Variants in SLURP2 observed in about 807,000 individuals in gnomAD.
The protein encoded by SLURP2 is secreted Ly-6/uPAR domain-containing protein 2.
SLURP2 carries 4 observed loss-of-function variants against 9.8 expected under a neutral mutation model. The observed-to-expected ratio is 0.41, with a 90% confidence interval of 0.20 to 0.94. The LOEUF is 0.94. Ranked by LOEUF, SLURP2 falls within the 40% of genes least tolerant of loss-of-function variation. The probability of loss-of-function intolerance (pLI) is 0.32; values close to 1 mark genes in which losing one functional copy is unlikely to be tolerated. For synonymous variants in SLURP2, 58 were observed against 56.2 expected, an observed-to-expected ratio of 1.03 and a Z score of -0.15; for missense variants, 118 against 126.4, an observed-to-expected ratio of 0.93 and a Z score of 0.32.
chr8:142,764,445 C>G lies in SLURP2; in HGVS notation c.*160G>C. 1 of 803,638 alleles carries G rather than the reference C, an allele frequency of 1.2e-6. No homozygotes were observed. The allele number at this position is 803,638 out of a possible 1,614,324, so 49.8% of individuals were successfully genotyped here. A position where few individuals can be genotyped will look rare whatever the true frequency, so the allele number is the denominator to read the frequency against. On this transcript the variant is annotated 3_prime_UTR_variant, in exon 3 of 3. Transcript: ENST00000317543. ...GACGGCAGCAGATTGAGGCAAGACT[C>G]CACGCAGGACTTCCCTAGGACAAGC...
Position 142,764,539 on chromosome 8 carries a change from A to G in SLURP2, c.*66T>C. 1.9e-6 allele frequency: 3 copies of G among 1,546,370 alleles called. No homozygotes were observed. The highest frequency in any genetic ancestry group is 2.6e-6 in the Non-Finnish European group (3 of 1,136,978). ...CAGTCTCGAGGGAGGGGCAGCTGTG[A>G]GCCCTGGCGCCAGGCTGTGGGGGCT... is the stretch of plus-strand genomic sequence containing the variant. On this transcript the variant is annotated 3_prime_UTR_variant, in exon 3 of 3. Coordinates refer to ENST00000317543, the MANE Select transcript of SLURP2 (RefSeq NM_177458.3).
At chr8:142,769,233 G>A (rs181409133) in intron 1 of SLURP2, among the ~76,000 whole-genome samples, 3 of 151,660 alleles carry the variant, frequency 2.0e-5, no homozygotes, top group South Asian at 2.1e-4. Context: ...TTGGGGGATG[G>A]GGAGGGGGTA....
chr8:142,764,936 G>A (rs1289518360), intron 2 of SLURP2, 100 bp downstream of exon 2: 4 of 1,187,048 alleles, frequency 3.4e-6, no homozygotes, highest in Non-Finnish European at 3.6e-6. Flanking sequence ...CTATGCTTCT[G>A]ACTTACTGGG....
intron 1 of SLURP2, 134 bp downstream of exon 1, chr8:142,769,621 C>T (rs902499905): frequency 4.0e-5 from 30 of 755,858 alleles, no homozygotes; most frequent in African/African-American, 1.6e-4. Context: ...AGGAAAGCTG[C>T]ACCTGGTAGA....
Position 142,768,471 on chromosome 8 carries a change from G to A in SLURP2, c.52+1284C>T, listed in dbSNP as rs933515361. ...CCAGTCCTCCAACCGGAAGAGCAGT[G>A]AGGCAGCTTGGGGCTTGTTCCTCGA... On this transcript the variant is annotated intron_variant, in intron 1 of 2. Coordinates refer to ENST00000317543, the MANE Select transcript of SLURP2 (RefSeq NM_177458.3). This position sits in a 1 kb window ranked among gnomAD's most constrained non-coding sequence, Gnocchi z 4.8. 6.6e-6 allele frequency among the ~76,000 whole-genome samples: 1 copy of A among 152,124 alleles called. No individual in the cohort carries two copies. The highest frequency in any genetic ancestry group is 1.5e-5 in the Non-Finnish European group (1 of 68,018).
chr8:142,769,665 G>T, intron 1 of SLURP2, 90 bp downstream of exon 1: 1 of 1,187,438 alleles, frequency 8.4e-7, no homozygotes, highest in Non-Finnish European at 1.2e-6. Flanking sequence ...CTCCCGAGGT[G>T]GGCAGTCACA....
chr8:142,764,875 G>A (rs930979543), intron 2 of SLURP2, 134 bp from the exon 3 acceptor site: 9 of 1,227,816 alleles, frequency 7.3e-6, no homozygotes, highest in African/African-American at 1.5e-5. Flanking sequence ...TGGGGCAGAC[G>A]TGGCCCTTTG....
At chr8:142,769,711 G>A in intron 1 of SLURP2, 44 bp downstream of exon 1, 1 of 1,566,396 alleles carries the variant, frequency 6.4e-7, no homozygotes. Flanking sequence ...GGGCTAGAGT[G>A]ATGGGGGCCT....
At chr8:142,764,984 C>T in intron 2 of SLURP2, 52 bp downstream of exon 2, 1 of 1,487,646 alleles carries the variant, frequency 6.7e-7, no homozygotes, top group Non-Finnish European at 9.2e-7. Flanking sequence ...GAGCCCACAT[C>T]TTCCCACCTG....
At chr8:142,769,383 G>A (rs1228301069) in intron 1 of SLURP2, among the ~76,000 whole-genome samples, 1 of 151,692 alleles carries the variant, frequency 6.6e-6, no homozygotes, top group East Asian at 1.9e-4. Flanking sequence ...AAACCAGCTG[G>A]GAGGCCAGGC....
rs763033090 is a variant in SLURP2, at chr8:142,764,695, G to A, written c.204C>T (p.Cys68=). The part of the protein sequence containing the change: ...TEDLPLVTKM[C]HIGCPDIPSL... ...TGGGGATATCGGGGCAGCCTATGTG[G>A]CACATCTTGGTGACCAGAGGCAAAT... The change falls in exon 3 of 3, where the codon TGC becomes TGT. Residue 68 remains cysteine, a synonymous_variant. Coordinates refer to ENST00000317543, the MANE Select transcript of SLURP2 (RefSeq NM_177458.3). 1 of 1,613,032 alleles carries A rather than the reference G, an allele frequency of 6.2e-7. No homozygotes were observed. Among genetic ancestry groups the A allele is most frequent in the East Asian group, 2.2e-5 (1 of 44,880 alleles).
Position 142,769,796 on chromosome 8 carries a change from C to T in SLURP2, c.11G>A (p.Gly4Asp). 1.9e-6 allele frequency: 3 copies of T among 1,597,568 alleles called. No individual in the cohort carries two copies. The highest frequency in any genetic ancestry group is 2.6e-6 in the Non-Finnish European group (3 of 1,174,302). ...GACGGCGGCCAGCAGGAGCCCAGTG[C>T]CGAGCTGCATGTTCTCCTGGTGAGG... MQL[G>D]TGLLLAAVLS... The change falls in exon 1 of 3, where the codon GGC (glycine) becomes GAC (aspartate). Residue 4 changes from glycine (G) to aspartate (D), a missense_variant. Physicochemically the swap from Gly to Asp is moderately conservative, Grantham distance 94 (BLOSUM62 -1). Coordinates refer to ENST00000317543, the MANE Select transcript of SLURP2 (RefSeq NM_177458.3).
Position 142,765,069 on chromosome 8 carries a change from T to C in SLURP2, c.124A>G (p.Arg42Gly). Residue 42 changes from arginine to glycine, a missense_variant, in exon 2 of 3, where the codon AGG becomes GGG. By Grantham distance (125) the Arg-to-Gly change is moderately radical. Coordinates refer to ENST00000317543, the MANE Select transcript of SLURP2 (RefSeq NM_177458.3). ...GGCSHGSRCLRDSTHCVTTAT... is the reference protein window; with the variant it reads ...GGCSHGSRCLGDSTHCVTTAT... ...GTGGTGACACAGTGGGTGGAGTCCC[T>C]CAGGCATCTGGATCCATGGGAGCAC... 1 of 1,612,850 alleles carries C rather than the reference T, an allele frequency of 6.2e-7. No homozygotes were observed. The highest frequency in any genetic ancestry group is 8.5e-7 in the Non-Finnish European group (1 of 1,179,822).
intron 1 of SLURP2, among the ~76,000 whole-genome samples, chr8:142,766,854 T>C (rs1340873393): frequency 6.6e-6 from 1 of 152,164 alleles, no homozygotes; most frequent in Non-Finnish European, 1.5e-5. Context: ...GCCATAAGGA[T>C]GTGAGGGCTG....
intron 2 of SLURP2, 68 bp downstream of exon 2, chr8:142,764,968 C>A: frequency 7.3e-7 from 1 of 1,377,314 alleles, no homozygotes; most frequent in South Asian, 1.3e-5. Context: ...GGCTCTGTCA[C>A]CCTCTGAGCC....
Position 142,764,515 on chromosome 8 carries a change from A to C in SLURP2, c.*90T>G. The C allele has an allele frequency of 4.6e-6, 6 of 1,313,510 alleles. No homozygotes were observed. The highest frequency in any genetic ancestry group is 3.2e-6 in the Non-Finnish European group (3 of 934,382). The allele number at this position is 1,313,510 out of a possible 1,614,324, so 81.4% of individuals were successfully genotyped here. A position where few individuals can be genotyped will look rare whatever the true frequency, so the allele number is the denominator to read the frequency against. On this transcript the variant is annotated 3_prime_UTR_variant, in exon 3 of 3. Coordinates refer to ENST00000317543, the MANE Select transcript of SLURP2 (RefSeq NM_177458.3). ...AGAGGCCGGGAGAGGTGGGCTGGCC[A>C]GTCTCGAGGGAGGGGCAGCTGTGAG...
intron 1 of SLURP2, among the ~76,000 whole-genome samples, chr8:142,766,986 T>C (rs2130072767): frequency 6.6e-6 from 1 of 152,296 alleles, no homozygotes; most frequent in African/African-American, 2.4e-5. Flanking sequence ...TGCCCCCGCC[T>C]CACTGTTGCC....
At chr8:142,767,458 C>A (rs73362655) in intron 1 of SLURP2, among the ~76,000 whole-genome samples, 1 of 152,156 alleles carries the variant, frequency 6.6e-6, no homozygotes, top group Non-Finnish European at 1.5e-5. Flanking sequence ...TGGGGGGTAG[C>A]AGGGAAGATG....
At chr8:142,769,236 AG>A (rs1587607099) in intron 1 of SLURP2, among the ~76,000 whole-genome samples, 1 of 96,576 alleles carries the variant, frequency 1.0e-5, no homozygotes. Context: ...GGGGATGGGG[AG>A]GGGGTAAAAT....
Sources: gnomAD v4.1 joint callset for allele counts (sites outside exome capture counted in the v4.1 genomes callset) on GRCh38, gnomAD v4.1.1 for gene constraint, Gnocchi (gnomAD v3.1) non-coding constraint, MANE v1.5 for transcripts, NCBI Gene and HGNC (gene_info 2026-07-23, HGNC 2026-07-21) for gene names.